Variants in ABCA5 observed in about 807,000 individuals in gnomAD.
The protein encoded by ABCA5 is cholesterol transporter ABCA5.
ABCA5 carries 163 observed loss-of-function variants against 206.0 expected under a neutral mutation model. That is an observed-to-expected ratio of 0.79 (90% CI 0.70 to 0.90). The LOEUF (loss-of-function observed/expected upper bound fraction) is 0.90, where lower values mean the gene tolerates loss of function less well. Among genes scored for constraint, ABCA5 ranks in the 40% least tolerant of loss-of-function variants. The pLI is 0.00. For synonymous variants in ABCA5, 609 were observed against 613.8 expected (o/e 0.99, Z 0.11); for missense variants, 1,859 against 1,912.9 (o/e 0.97, Z 0.53).
At chr17:69,250,703 A>T (rs879879765) in intron 35 of ABCA5, 82 bp from the exon 36 acceptor site, 24 of 987,982 alleles carry the variant, frequency 2.4e-5, no homozygotes, top group African/African-American at 1.9e-4. Flanking sequence ...ACTACATTTT[A>T]AAAAAATATA....
chr17:69,277,228 T>A (rs2075342632), intron 19 of ABCA5, among the ~76,000 whole-genome samples: 1 of 152,108 alleles, frequency 6.6e-6, no homozygotes, highest in African/African-American at 2.4e-5. Flanking sequence ...AAAAAGTGGT[T>A]ATAAAAACTA....
At chr17:69,269,714 A>C (rs2075251335) in intron 22 of ABCA5, among the ~76,000 whole-genome samples, 1 of 152,234 alleles carries the variant, frequency 6.6e-6, no homozygotes, top group Admixed American at 6.5e-5. Context: ...CATTCCACAC[A>C]ATGAAATATG....
At chr17:69,267,634 G>C (rs2075225552) in intron 23 of ABCA5, among the ~76,000 whole-genome samples, 1 of 152,110 alleles carries the variant, frequency 6.6e-6, no homozygotes, top group Admixed American at 6.5e-5. Flanking sequence ...TAAACAAGTT[G>C]AGTCAACCTG....
chr17:69,308,410 T>C (rs764460827), intron 4 of ABCA5, 42 bp from the exon 5 acceptor site: 15 of 1,332,178 alleles, frequency 1.1e-5, no homozygotes, highest in Admixed American at 1.7e-5. Flanking sequence ...CTGTACAACA[T>C]GCAAGTGCAT....
chr17:69,323,722 A>ATTT (rs2075880917), intron 1 of ABCA5, among the ~76,000 whole-genome samples: 1 of 152,170 alleles, frequency 6.6e-6, no homozygotes, highest in African/African-American at 2.4e-5. Flanking sequence ...GAAATATTAA[A>ATTT]CCCAGTATCA....
At chr17:69,313,060 A>T in intron 3 of ABCA5, 32 bp downstream of exon 3, 2 of 1,453,140 alleles carry the variant, frequency 1.4e-6, no homozygotes, top group Non-Finnish European at 1.9e-6. Flanking sequence ...GCTTAATATT[A>T]TAAACAGAAT....
chr17:69,302,837 C>CA lies in ABCA5; in HGVS notation c.999dup (p.Val334CysfsTer48). 1.3e-6 allele frequency: 2 copies of CA among 1,592,274 alleles called. No homozygotes were observed. Among genetic ancestry groups the CA allele is most frequent in the South Asian group, 1.2e-5 (1 of 86,222 alleles). On this transcript the variant is annotated frameshift_variant, in exon 8 of 39. Transcript: ENST00000392676. LOFTEE classifies it high-confidence loss of function. ...CCAATAAATCCAAAAGCCACAGTAA[C>CA]AAAAAATTCAACTATTCCCACATGT...
chr17:69,276,671 A>T (rs1342746967), intron 19 of ABCA5, among the ~76,000 whole-genome samples: 1 of 152,136 alleles, frequency 6.6e-6, no homozygotes, highest in African/African-American at 2.4e-5. Flanking sequence ...GGGACTGGGG[A>T]GGGATAGCAT....
intron 1 of ABCA5, among the ~76,000 whole-genome samples, chr17:69,319,524 T>TCAC (rs957548970): frequency 9.9e-5 from 15 of 152,018 alleles, no homozygotes; most frequent in African/African-American, 2.7e-4. Flanking sequence ...ACACAAACCA[T>TCAC]CACCACCACC....
rs574943535 is a variant in ABCA5, at chr17:69,289,373, A to G, written c.1783-77T>C. 6.2e-5 allele frequency: 72 copies of G among 1,163,620 alleles called. No homozygotes were observed. The African/African-American group carries it at 1.1e-3, about 17-fold the overall frequency. 72.1% of individuals were successfully genotyped at this position (1,163,620 alleles called of 1,614,324 possible). A position where few individuals can be genotyped will look rare whatever the true frequency, so the allele number is the denominator to read the frequency against. ...TAATTATCAATATTACTTTTTAAAT[A>G]TTTTAAGTTTTAATGTGTTAGATAT... On this transcript the variant is annotated intron_variant, in intron 13 of 38. Transcript: ENST00000392676.
chr17:69,301,055 A>G, intron 9 of ABCA5, 84 bp downstream of exon 9: 1 of 1,294,352 alleles, frequency 7.7e-7, no homozygotes, highest in Non-Finnish European at 1.0e-6. Context: ...TGGTTAGGAA[A>G]AAAAATCTTA....
chr17:69,319,736 T>C (rs532933153), intron 1 of ABCA5, among the ~76,000 whole-genome samples: 1 of 152,380 alleles, frequency 6.6e-6, no homozygotes, highest in Non-Finnish European at 1.5e-5. Context: ...CCTTGGAGTA[T>C]GTGAAATGTC....
chr17:69,286,455 GATT>G (rs1447978510), intron 15 of ABCA5, 144 bp from the exon 16 acceptor site: 2 of 686,062 alleles, frequency 2.9e-6, no homozygotes, highest in Non-Finnish European at 4.8e-6. Flanking sequence ...GATGGTACTA[GATT>G]ATCATCAACT....
chr17:69,259,431 G>A (rs565442997), intron 28 of ABCA5, among the ~76,000 whole-genome samples: 1 of 152,066 alleles, frequency 6.6e-6, no homozygotes, highest in East Asian at 1.9e-4. Flanking sequence ...GTATTTAAGA[G>A]AATTGTTGGT....
intron 20 of ABCA5, among the ~76,000 whole-genome samples, chr17:69,271,834 G>A (rs939807281): frequency 6.6e-6 from 1 of 152,122 alleles, no homozygotes; most frequent in Non-Finnish European, 1.5e-5. Flanking sequence ...AGAATTTTTT[G>A]TAGGCTCTGG....
At chr17:69,294,758 A>T (rs1446265272) in intron 10 of ABCA5, 45 bp from the exon 11 acceptor site, 1 of 1,323,126 alleles carries the variant, frequency 7.6e-7, no homozygotes, top group Non-Finnish European at 1.1e-6. Flanking sequence ...AGCAATTTAT[A>T]AGTATGTGTG....
At chr17:69,305,690 C>G (rs1232834736) in intron 6 of ABCA5, among the ~76,000 whole-genome samples, 1 of 151,974 alleles carries the variant, frequency 6.6e-6, no homozygotes, top group East Asian at 1.9e-4. Flanking sequence ...CACAACATGG[C>G]GAGACCCCCG....
chr17:69,270,557 G>C, intron 22 of ABCA5, 56 bp downstream of exon 22: 1 of 1,438,900 alleles, frequency 6.9e-7, no homozygotes, highest in Non-Finnish European at 9.3e-7. Context: ...AGTTTTTAAT[G>C]GTTATTATAT....
At chr17:69,263,182 A>G (rs551375213) in intron 24 of ABCA5, among the ~76,000 whole-genome samples, 124 of 152,108 alleles carry the variant, frequency 8.2e-4, no homozygotes, top group African/African-American at 2.9e-3. Flanking sequence ...TCTGTATGTT[A>G]TCCATTTACT....
Sources: allele counts gnomAD v4.1 joint callset (sites outside exome capture counted in the v4.1 genomes callset), GRCh38; gene constraint gnomAD v4.1.1; transcripts MANE v1.5; gene names NCBI Gene and HGNC (gene_info 2026-07-23, HGNC 2026-07-21).